The following NBEAL2 variants were observed in gnomAD, a reference collection of about 807,000 sequenced individuals.
NBEAL2 encodes the protein neurobeachin-like protein 2.
NBEAL2 carries 160 observed loss-of-function variants against 299.8 expected under a neutral mutation model. The ratio of observed to expected loss-of-function variants is 0.53; its 90% CI spans 0.47 to 0.61. The LOEUF (loss-of-function observed/expected upper bound fraction) is 0.61. Among genes scored for constraint, NBEAL2 ranks in the 20% least tolerant of loss-of-function variants. NBEAL2 has a pLI of 0.00. For synonymous variants in NBEAL2, 1,493 were observed against 1,542.3 expected, an observed-to-expected ratio of 0.97 and a Z score of 0.75; for missense variants, 3,112 against 3,649.0, an observed-to-expected ratio of 0.85 and a Z score of 3.79.
At chr3:46,986,776 G>A (rs1392182013) in intron 1 of NBEAL2, among the ~76,000 whole-genome samples, 1 of 152,186 alleles carries the variant, frequency 6.6e-6, no homozygotes, top group East Asian at 1.9e-4. Context: ...CTGGCTTTTA[G>A]CATCCTCAAA....
Position 47,001,081 on chromosome 3 carries a change from T to A in NBEAL2, c.4386T>A (p.Asp1462Glu). The change falls in exon 28 of 54, where the codon GAT becomes GAA. Residue 1462 changes from aspartate (D) to glutamate (E), a missense_variant. Coordinates refer to ENST00000450053, the MANE Select transcript of NBEAL2 (RefSeq NM_015175.3). This position sits in a 1 kb window ranked among gnomAD's most constrained non-coding sequence, Gnocchi z 6.1. Reference protein sequence around the residue: ...SVTWRGVEGSDEAAWRERGQV... With the variant: ...SVTWRGVEGSEEAAWRERGQV... Reference sequence around the variant, plus strand: ...CGTGGCGTGGCGTGGAAGGCAGCGATGAGGCTGCCTGGCGGGAGCGTGGCC... The same window carrying A: ...CGTGGCGTGGCGTGGAAGGCAGCGAAGAGGCTGCCTGGCGGGAGCGTGGCC... The A allele has an allele frequency of 6.2e-7, 1 of 1,612,632 alleles. No homozygotes were observed. Among genetic ancestry groups the A allele is most frequent in the South Asian group, 1.1e-5 (1 of 90,848 alleles).
At position 46,998,705 on chromosome 3, in the gene NBEAL2, C is replaced by A. The variant is rs2036704520; in HGVS notation, c.3222-12C>A. The stretch of plus-strand genomic sequence containing the variant: ...TTTGGGACCTGGCTGGGTGTGCCTA[C>A]TGACCTGCCAGCCCGCAGCGGGAGC... On this transcript the variant is annotated splice_polypyrimidine_tract_variant and intron_variant, in intron 22 of 53. Coordinates refer to ENST00000450053, the MANE Select transcript of NBEAL2 (RefSeq NM_015175.3). The A allele has an allele frequency of 3.2e-6, 5 of 1,569,344 alleles. No homozygotes were observed. Among genetic ancestry groups the A allele is most frequent in the Non-Finnish European group, 4.3e-6 (5 of 1,155,736 alleles).
At position 46,995,650 on chromosome 3, in the gene NBEAL2, G is replaced by A. The variant is rs757119234; in HGVS notation, c.1898+17G>A. 72 of 1,608,980 alleles carry A rather than the reference G, an allele frequency of 4.5e-5. No homozygotes were observed. The highest frequency in any genetic ancestry group is 6.0e-5 in the Non-Finnish European group (71 of 1,176,720). ...GCTGTACAGGTGGGTGACTGCCAGGGGCCAGGGACCTCCTGCCAGGGTGAG... is the reference window on the plus strand; with the variant it reads ...GCTGTACAGGTGGGTGACTGCCAGGAGCCAGGGACCTCCTGCCAGGGTGAG... On this transcript the variant is annotated intron_variant, in intron 13 of 53. Transcript: ENST00000450053.
In NBEAL2 at chr3:46,991,513, T is replaced by C. The variant is rs2036085504; in HGVS notation, c.750T>C (p.Ala250=). The stretch of plus-strand genomic sequence containing the variant: ...CGGACCCGTGCCTAGTGCCACTGGC[T>C]CTAGAGGCACTGGTAGGTGCAGTCC... ...PAPDPCLVPL[A]LEALVGAVHV... Residue 250 remains alanine (A), a synonymous_variant, in exon 8 of 54, where the codon GCT becomes GCC. Transcript: ENST00000450053. This position sits in a 1 kb window ranked among gnomAD's most constrained non-coding sequence, Gnocchi z 6.2. The C allele has an allele frequency of 6.2e-7, 1 of 1,611,396 alleles. No individual in the cohort carries two copies. The highest frequency in any genetic ancestry group is 2.2e-5 in the East Asian group (1 of 44,878).
Position 47,001,659 on chromosome 3 carries a change from T to C in NBEAL2, c.4645-30T>C, listed in dbSNP as rs1335571109. ...ATGGACTCCTGGCCTCCCCTGGTGA[T>C]GTCTGTTGGGAACCTGTTTTCTGTG... On this transcript the variant is annotated intron_variant, in intron 29 of 53. Coordinates refer to ENST00000450053, the MANE Select transcript of NBEAL2 (RefSeq NM_015175.3). The surrounding 1 kb of genome is among the most constrained non-coding windows in gnomAD (Gnocchi z 6.1). 2.5e-6 allele frequency: 4 copies of C among 1,606,652 alleles called. No individual in the cohort carries two copies. In the East Asian group the frequency reaches 6.7e-5, roughly 27 times the overall value.
At chr3:47,007,762 G>T in intron 48 of NBEAL2, 54 bp from the exon 49 acceptor site, 1 of 1,608,184 alleles carries the variant, frequency 6.2e-7, no homozygotes, top group Admixed American at 1.7e-5. Context: ...TCTGAGGCTG[G>T]CCAGGGCGGA....
chr3:47,003,432 C>A lies in NBEAL2; in HGVS notation c.5720+123C>A. ...TCTTCTGCTGCCCGACTACGTCCCC[C>A]TGAAGGGACTGTCCAAAGCCAGATG... On this transcript the variant is annotated intron_variant, in intron 35 of 53. Transcript: ENST00000450053. The surrounding 1 kb of genome is among the most constrained non-coding windows in gnomAD (Gnocchi z 7.0). The A allele has an allele frequency of 7.3e-6, 10 of 1,367,906 alleles. No individual in the cohort carries two copies. The highest frequency in any genetic ancestry group is 2.9e-5 in the South Asian group (2 of 68,954). 84.7% of individuals were successfully genotyped at this position (1,367,906 alleles called of 1,614,324 possible). A position where few individuals can be genotyped will look rare whatever the true frequency, so the allele number is the denominator to read the frequency against.
In NBEAL2 at chr3:46,992,494, C is replaced by A. The variant is rs530589418; in HGVS notation, c.1052C>A (p.Ala351Glu). 4 of 1,606,360 alleles carry A rather than the reference C, an allele frequency of 2.5e-6. No homozygotes were observed. The highest frequency in any genetic ancestry group is 1.3e-5 in the African/African-American group (1 of 74,790). ...CCACAGCTGTACCTGCAGTCCCGGG[C>A]GCCCCCCGAGGGGGACAGTGACCTG... ...QNSKLYLQSR[A>E]PPEGDSDLAT... is the part of the protein sequence containing the mutation. Residue 351 changes from alanine to glutamate, a missense_variant, in exon 10 of 54, where the codon GCG (alanine) becomes GAG (glutamate). Around this residue, in one of 3 missense-constraint regions of NBEAL2, gnomAD observed 2,243 missense variants for 2,538.1 expected, o/e 0.88. Coordinates refer to ENST00000450053, the MANE Select transcript of NBEAL2 (RefSeq NM_015175.3).
chr3:46,999,013 G>C lies in NBEAL2; in HGVS notation c.3439G>C (p.Glu1147Gln). The change falls in exon 24 of 54, where the codon GAG becomes CAG. Residue 1147 changes from glutamate (E) to glutamine (Q), a missense_variant. Around this residue, in one of 3 missense-constraint regions of NBEAL2, gnomAD observed 2,243 missense variants for 2,538.1 expected, o/e 0.88. Coordinates refer to ENST00000450053, the MANE Select transcript of NBEAL2 (RefSeq NM_015175.3). Reference protein sequence around the residue: ...LALLHGSLVQESLAVFLLEPG... With the variant: ...LALLHGSLVQQSLAVFLLEPG... ...CCTGCTGCACGGTTCCCTGGTGCAG[G>C]AGTCCTTGGCTGTCTTTCTGTTGGA... 6.2e-7 allele frequency: 1 copy of C among 1,605,642 alleles called. No individual in the cohort carries two copies. Among genetic ancestry groups the C allele is most frequent in the Non-Finnish European group, 8.5e-7 (1 of 1,176,426 alleles).
chr3:46,996,697 A>G (rs2036526624), intron 16 of NBEAL2, 54 bp from the exon 17 acceptor site: 3 of 1,578,654 alleles, frequency 1.9e-6, no homozygotes, highest in Non-Finnish European at 2.6e-6. Flanking sequence ...CAGTCTCTGG[A>G]TGGGGTTTGG....
chr3:47,009,483 A>G lies in NBEAL2; in HGVS notation c.*163A>G. The G allele has an allele frequency of 1.4e-6, 1 of 715,044 alleles. No individual in the cohort carries two copies. The highest frequency in any genetic ancestry group is 2.3e-6 in the Non-Finnish European group (1 of 434,264). The allele number at this position is 715,044 out of a possible 1,614,324, so 44.3% of individuals were successfully genotyped here. A position where few individuals can be genotyped will look rare whatever the true frequency, so the allele number is the denominator to read the frequency against. On this transcript the variant is annotated 3_prime_UTR_variant, in exon 54 of 54. Coordinates refer to ENST00000450053, the MANE Select transcript of NBEAL2 (RefSeq NM_015175.3). ...GGCGGGCGATGTTACCCCCTCAGGG[A>G]TTGGCGGGCGGAAGTCCCGCCCCTC... is the stretch of plus-strand genomic sequence containing the variant.
At position 47,006,031 on chromosome 3, in the gene NBEAL2, C is replaced by T. The variant is rs372383075; in HGVS notation, c.6887C>T (p.Ala2296Val). Residue 2296 changes from alanine (A) to valine (V), a missense_variant, in exon 43 of 54, where the codon GCC becomes GTC. Around this residue, in one of 3 missense-constraint regions of NBEAL2, gnomAD observed 521 missense variants for 729.6 expected, o/e 0.71. Coordinates refer to ENST00000450053, the MANE Select transcript of NBEAL2 (RefSeq NM_015175.3). ...CAGCGGGGGCCAGCCGCCGAGGAGG[C>T]CCTCAATGTCTTCTATTACTGCACC... Reference protein sequence around the residue: ...YKQRGPAAEEALNVFYYCTYE... With the variant: ...YKQRGPAAEEVLNVFYYCTYE... The T allele has an allele frequency of 6.2e-7, 1 of 1,613,700 alleles. No individual in the cohort carries two copies. Among genetic ancestry groups the T allele is most frequent in the Non-Finnish European group, 8.5e-7 (1 of 1,179,894 alleles).
intron 47 of NBEAL2, 64 bp downstream of exon 47, chr3:47,007,414 C>A: frequency 6.4e-7 from 1 of 1,555,188 alleles, no homozygotes; most frequent in Non-Finnish European, 8.7e-7. Flanking sequence ...TATTCCCCTC[C>A]CTAATCAGAA....
Position 47,008,566 on chromosome 3 carries a change from C to T in NBEAL2, c.7925C>T (p.Ala2642Val). The T allele has an allele frequency of 1.2e-6, 2 of 1,613,710 alleles. No homozygotes were observed. The highest frequency in any genetic ancestry group is 1.7e-6 in the Non-Finnish European group (2 of 1,179,874). ...TATTCAGTCAATGGGAAGTTGCGGGCTTCACTGCCCCTGGCAGAGCAGCCT... is the reference window on the plus strand; with the variant it reads ...TATTCAGTCAATGGGAAGTTGCGGGTTTCACTGCCCCTGGCAGAGCAGCCT... ...HLYSVNGKLR[A>V]SLPLAEQPTA... is the part of the protein sequence containing the mutation. Residue 2642 changes from alanine to valine, a missense_variant, in exon 52 of 54, where the codon GCT becomes GTT. This residue lies in a region of NBEAL2 where 348 missense variants were observed against 381.4 expected (regional missense o/e 0.91). Transcript: ENST00000450053.
At position 47,002,072 on chromosome 3, in the gene NBEAL2, A is replaced by G; in HGVS notation, c.4935A>G (p.Ala1645=). ...TSSLESATDE[A]GSPLAAAAAA... is the part of the protein sequence containing the mutation. Reference sequence around the variant, plus strand: ...CCTTGGAGTCAGCCACTGATGAGGCAGGGTCCCCACTTGCAGCTGCAGCAG... The same window carrying G: ...CCTTGGAGTCAGCCACTGATGAGGCGGGGTCCCCACTTGCAGCTGCAGCAG... The change falls in exon 31 of 54, where the codon GCA becomes GCG. Residue 1645 remains alanine, a synonymous_variant. Coordinates refer to ENST00000450053, the MANE Select transcript of NBEAL2 (RefSeq NM_015175.3). 6.4e-7 allele frequency: 1 copy of G among 1,552,406 alleles called. No individual in the cohort carries two copies. The highest frequency in any genetic ancestry group is 1.2e-5 in the South Asian group (1 of 84,758).
Position 47,005,341 on chromosome 3 carries a change from G to A in NBEAL2, c.6560+20G>A, listed in dbSNP as rs1456319495. ...TGGCCGGTGCGGCCCAGGGGCTGGT[G>A]GGCAGACTAGGGGGCAGATAAGGGG... On this transcript the variant is annotated intron_variant, in intron 40 of 53. Transcript: ENST00000450053. The A allele has an allele frequency of 1.2e-6, 2 of 1,604,570 alleles. No homozygotes were observed. The highest frequency in any genetic ancestry group is 1.7e-6 in the Non-Finnish European group (2 of 1,176,068).
chr3:46,985,002 C>T (rs539523286), intron 1 of NBEAL2, among the ~76,000 whole-genome samples: 7 of 152,270 alleles, frequency 4.6e-5, no homozygotes, highest in South Asian at 2.1e-4. Context: ...AGAGTTAGAA[C>T]GGGGACTGGA....
chr3:46,992,150 G>A (rs547291740), intron 9 of NBEAL2, among the ~76,000 whole-genome samples: 4 of 152,308 alleles, frequency 2.6e-5, no homozygotes, highest in African/African-American at 9.6e-5. Context: ...TGGGCTTGAG[G>A]CTTAGGACAT....
Position 46,989,196 on chromosome 3 carries a change from G to A in NBEAL2, c.351+30G>A, listed in dbSNP as rs370509077. The A allele has an allele frequency of 2.5e-6, 4 of 1,613,568 alleles. No homozygotes were observed. Among genetic ancestry groups the A allele is most frequent in the East Asian group, 2.2e-5 (1 of 44,866 alleles). ...AGTGGCCTCTACCTTGGGGGGCAGA[G>A]GGTGTATGCAGGGAGGCAGGCGGTA... is the stretch of plus-strand genomic sequence containing the variant. On this transcript the variant is annotated intron_variant, in intron 4 of 53. Transcript: ENST00000450053. This position sits in a 1 kb window ranked among gnomAD's most constrained non-coding sequence, Gnocchi z 5.5.
Sources: gnomAD v4.1 joint callset for allele counts (sites outside exome capture counted in the v4.1 genomes callset) on GRCh38, gnomAD v4.1.1 for gene constraint, gnomAD v4.1.1 regional missense constraint, Gnocchi (gnomAD v3.1) non-coding constraint, MANE v1.5 for transcripts, NCBI Gene and HGNC (gene_info 2026-07-23, HGNC 2026-07-21) for gene names.